Variants in C2CD3 observed in about 807,000 individuals in gnomAD.
C2CD3 encodes C2 domain-containing protein 3.
Under a neutral mutation model 234.0 loss-of-function variants are expected in C2CD3, and 148 were observed. The ratio of observed to expected loss-of-function variants is 0.63; its 90% CI spans 0.55 to 0.72. The LOEUF (loss-of-function observed/expected upper bound fraction) is 0.72. C2CD3 is among the 30% of genes least tolerant of loss of function. The pLI is 0.00. For missense variants in C2CD3, 2,577 were observed against 2,811.5 expected, an observed-to-expected ratio of 0.92 and a Z score of 1.89; for synonymous variants, 1,000 against 1,035.4, an observed-to-expected ratio of 0.97 and a Z score of 0.66.
At chr11:74,091,254 G>T in intron 19 of C2CD3, 1 of 202,604 alleles carries the variant, frequency 4.9e-6, no homozygotes, top group Admixed American at 5.7e-5. Flanking sequence ...AATTGAGATG[G>T]GCTCTAGCCA....
chr11:74,111,693 A>G (rs1956751912), intron 11 of C2CD3, among the ~76,000 whole-genome samples: 1 of 152,146 alleles, frequency 6.6e-6, no homozygotes, highest in South Asian at 2.1e-4. Flanking sequence ...GGGATAAACC[A>G]AGCTTGTCCA....
At chr11:74,055,389 TAC>T (rs1393972048) in intron 25 of C2CD3, among the ~76,000 whole-genome samples, 2 of 152,088 alleles carry the variant, frequency 1.3e-5, no homozygotes, top group African/African-American at 4.8e-5. Flanking sequence ...TTACATAAAT[TAC>T]AGTTTTAAGT....
chr11:74,128,261 TAA>T (rs1379112086), intron 7 of C2CD3, among the ~76,000 whole-genome samples: 7 of 152,252 alleles, frequency 4.6e-5, no homozygotes, highest in South Asian at 2.1e-4. Flanking sequence ...TTAAGTCATA[TAA>T]GTTATTTATA....
chr11:74,090,051 G>T (rs956284439), intron 20 of C2CD3, among the ~76,000 whole-genome samples: 21 of 152,136 alleles, frequency 1.4e-4, no homozygotes, highest in African/African-American at 4.3e-4. Context: ...CAAGACAAAG[G>T]CCTTGAGAGG....
intron 22 of C2CD3, among the ~76,000 whole-genome samples, chr11:74,083,258 G>C (rs1955474921): frequency 1.3e-5 from 2 of 152,114 alleles, no homozygotes; most frequent in Non-Finnish European, 2.9e-5. Flanking sequence ...GCTGAAACTG[G>C]ATCCCTTCCT....
At chr11:74,102,541 T>A (rs545251447) in intron 14 of C2CD3, among the ~76,000 whole-genome samples, 10 of 152,228 alleles carry the variant, frequency 6.6e-5, no homozygotes, top group Middle Eastern at 3.4e-3. Context: ...TTTGGAAGAG[T>A]GCCAGCAATA....
chr11:74,082,122 T>TA (rs1955401527), intron 22 of C2CD3, among the ~76,000 whole-genome samples: 1 of 123,154 alleles, frequency 8.1e-6, no homozygotes, highest in East Asian at 2.3e-4. Flanking sequence ...TGGCTGTGGA[T>TA]ATTTTTTTTT....
intron 3 of C2CD3, among the ~76,000 whole-genome samples, chr11:74,160,731 G>A (rs1397979505): frequency 1.3e-5 from 2 of 152,164 alleles, no homozygotes; most frequent in Admixed American, 1.3e-4. Context: ...AGCCAGAAGA[G>A]AGGACTGTGA....
chr11:74,108,267 C>T (rs866629285), intron 12 of C2CD3: 6 of 151,616 alleles, frequency 4.0e-5, no homozygotes, highest in African/African-American at 1.2e-4. Flanking sequence ...AAATGATGTG[C>T]CTTTCCCACC....
intron 3 of C2CD3, among the ~76,000 whole-genome samples, chr11:74,154,956 T>C (rs555056034): frequency 6.6e-6 from 1 of 152,332 alleles, no homozygotes; most frequent in South Asian, 2.1e-4. Context: ...TGGTGAAGCA[T>C]AAACACCTTC....
At chr11:74,034,722 T>C (rs1591297502) in intron 30 of C2CD3, 1 of 855,430 alleles carries the variant, frequency 1.2e-6, no homozygotes, top group East Asian at 2.6e-5. Context: ...ACCCATATGA[T>C]AAGGCAGGGA....
At chr11:74,153,437 G>T (rs1370693116) in intron 3 of C2CD3, among the ~76,000 whole-genome samples, 1 of 152,168 alleles carries the variant, frequency 6.6e-6, no homozygotes, top group Non-Finnish European at 1.5e-5. Flanking sequence ...ATTGTCTATA[G>T]AGAAAATTCT....
In C2CD3 at chr11:74,114,467, T is replaced by C. The variant is rs1178958876; in HGVS notation, c.1647A>G (p.Gly549=). 6.2e-7 allele frequency: 1 copy of C among 1,613,976 alleles called. No individual in the cohort carries two copies. The highest frequency in any genetic ancestry group is 2.2e-5 in the East Asian group (1 of 44,862). ...TCATCTGAGGACTATCTGGAGGAAC[T>C]CCCATGGTTTCGATGATGATTCTGA... The part of the protein sequence containing the change: ...HSVRIIIETM[G]VPPDSPQMTP... The change falls in exon 10 of 33, where the codon GGA becomes GGG. Residue 549 remains glycine, a synonymous_variant. Coordinates refer to ENST00000334126, the MANE Select transcript of C2CD3 (RefSeq NM_001286577.2).
intron 7 of C2CD3, among the ~76,000 whole-genome samples, chr11:74,126,840 A>G (rs1957429450): frequency 6.6e-6 from 1 of 152,204 alleles, no homozygotes; most frequent in South Asian, 2.1e-4. Flanking sequence ...ACTCAATTTT[A>G]AAACATTTTC....
At chr11:74,088,484 G>A (rs1955750781) in intron 20 of C2CD3, among the ~76,000 whole-genome samples, 1 of 152,138 alleles carries the variant, frequency 6.6e-6, no homozygotes, top group South Asian at 2.1e-4. Flanking sequence ...GAACTGGCCT[G>A]GCTTCTTGTT....
chr11:74,165,286 T>A (rs1322977425), intron 2 of C2CD3, among the ~76,000 whole-genome samples: 1 of 152,182 alleles, frequency 6.6e-6, no homozygotes, highest in Non-Finnish European at 1.5e-5. Flanking sequence ...TCATTTCAAA[T>A]GTTAATTCTG....
At chr11:74,163,546 T>G (rs1856611857) in intron 2 of C2CD3, among the ~76,000 whole-genome samples, 1 of 152,180 alleles carries the variant, frequency 6.6e-6, no homozygotes, top group African/African-American at 2.4e-5. Flanking sequence ...GTGAGTTAGC[T>G]CTCACGAGAT....
intron 32 of C2CD3, among the ~76,000 whole-genome samples, chr11:74,020,675 C>T (rs1002814123): frequency 1.3e-5 from 2 of 152,190 alleles, no homozygotes; most frequent in African/African-American, 2.4e-5. Flanking sequence ...GTGAGTTCCC[C>T]GAGGGAAGCT....
At chr11:74,121,396 C>G (rs2135521902) in intron 8 of C2CD3, among the ~76,000 whole-genome samples, 1 of 152,030 alleles carries the variant, frequency 6.6e-6, no homozygotes, top group Non-Finnish European at 1.5e-5. Flanking sequence ...CACTTGAAGT[C>G]AGGAGTTCAA....
Sources: gnomAD v4.1 joint callset for allele counts (sites outside exome capture counted in the v4.1 genomes callset) on GRCh38, gnomAD v4.1.1 for gene constraint, MANE v1.5 for transcripts, NCBI Gene and HGNC (gene_info 2026-07-23, HGNC 2026-07-21) for gene names.